The following ZNF37A variants were observed in gnomAD, a reference collection of about 807,000 sequenced individuals.
ZNF37A encodes the protein zinc finger protein 37a (KOX 21).
A neutral mutation model predicts 12.3 loss-of-function variants in ZNF37A; 10 were observed. The observed-to-expected ratio is 0.82, with a 90% CI of 0.50 to 1.38. The LOEUF (loss-of-function observed/expected upper bound fraction) is 1.38. Among genes scored for constraint, ZNF37A ranks in the 40% most tolerant of loss-of-function variants. The pLI, the probability that ZNF37A is intolerant of heterozygous loss-of-function variation, is 0.00. For synonymous variants in ZNF37A, 207 were observed against 223.0 expected (o/e 0.93, Z 0.64); for missense variants, 580 against 651.2 (o/e 0.89, Z 1.19).
chr10:38,149,771 T>A (rs2070303524), exon 8 of ZNF37A: 1 of 152,126 alleles, frequency 6.6e-6, no homozygotes, highest in Non-Finnish European at 1.5e-5. Flanking sequence ...GCGACGGGGT[T>A]TCACCATGTT....
chr10:38,130,082 T>C (rs1301556253), downstream of ZNF37A, among the ~76,000 whole-genome samples: 5 of 152,238 alleles, frequency 3.3e-5, no homozygotes. Context: ...CTTTCTGTCC[T>C]TATGGATTTC....
Position 38,118,742 on chromosome 10 carries a change from T to G in ZNF37A, c.1591T>G (p.Ser531Ala), listed in dbSNP as rs1420585412. 6.2e-7 allele frequency: 1 copy of G among 1,613,638 alleles called. No individual in the cohort carries two copies. Among genetic ancestry groups the G allele is most frequent in the Admixed American group, 1.7e-5 (1 of 59,902 alleles). The change falls in exon 8 of 8, where the codon TCA becomes GCA. Residue 531 changes from serine to alanine, a missense_variant. Transcript: ENST00000685332. ...CTATGAATGTAATGTTTGTGGAAAATCATTCTATGTTAAGTCAAAACTAAC... is the reference window on the plus strand; with the variant it reads ...CTATGAATGTAATGTTTGTGGAAAAGCATTCTATGTTAAGTCAAAACTAAC... ...KPYECNVCGK[S>A]FYVKSKLTVH...
intron 7 of ZNF37A, chr10:38,139,311 A>T (rs576854423): frequency 6.6e-6 from 1 of 152,144 alleles, no homozygotes; most frequent in South Asian, 2.1e-4. Flanking sequence ...GGCAACTAAA[A>T]TCATCTGATT....
chr10:38,097,113 A>C (rs1220379380), intron 5 of ZNF37A, among the ~76,000 whole-genome samples: 3 of 152,262 alleles, frequency 2.0e-5, no homozygotes, highest in African/African-American at 7.2e-5. Context: ...GTGATCTCAC[A>C]GAGTTGTGAA....
chr10:38,100,704 G>T (rs1202049363), intron 5 of ZNF37A, among the ~76,000 whole-genome samples: 1 of 152,140 alleles, frequency 6.6e-6, no homozygotes, highest in East Asian at 1.9e-4. Context: ...TACAATTTGT[G>T]CAGTTAATGC....
chr10:38,140,623 G>A (rs1220509216), intron 7 of ZNF37A: 1 of 152,222 alleles, frequency 6.6e-6, no homozygotes, highest in Non-Finnish European at 1.5e-5. Context: ...GATAGATGAT[G>A]TATATACATG....
chr10:38,135,466 G>A (rs969641430), intron 7 of ZNF37A, among the ~76,000 whole-genome samples: 9 of 152,176 alleles, frequency 5.9e-5, no homozygotes, highest in Non-Finnish European at 1.0e-4. Flanking sequence ...TTTATTCATT[G>A]TGTGCTTAAT....
chr10:38,115,066 A>AGTGTGT (rs56124182), intron 6 of ZNF37A, 129 bp from the exon 7 acceptor site: 17,331 of 618,198 alleles, frequency 0.028, 311 homozygotes, highest in South Asian at 0.035. Context: ...GATTAAATGA[A>AGTGTGT]GTGTGTGTGT....
chr10:38,106,053 G>T (rs964667292), intron 5 of ZNF37A, among the ~76,000 whole-genome samples: 1 of 151,858 alleles, frequency 6.6e-6, no homozygotes, highest in African/African-American at 2.4e-5. Context: ...CACTATCATT[G>T]CCTGTTCATG....
chr10:38,098,160 A>T (rs892551809), intron 5 of ZNF37A, among the ~76,000 whole-genome samples: 2 of 152,198 alleles, frequency 1.3e-5, no homozygotes, highest in Admixed American at 1.3e-4. Flanking sequence ...GTCCCTTTTT[A>T]TGACTGAACA....
At chr10:38,145,795 A>G (rs1564390226) in intron 7 of ZNF37A, among the ~76,000 whole-genome samples, 1 of 152,310 alleles carries the variant, frequency 6.6e-6, no homozygotes, top group East Asian at 1.9e-4. Context: ...GTTTTTCTCA[A>G]GAGGAGACTA....
chr10:38,113,434 A>C (rs1480886341), intron 5 of ZNF37A, among the ~76,000 whole-genome samples: 1 of 151,962 alleles, frequency 6.6e-6, no homozygotes, highest in Non-Finnish European at 1.5e-5. Flanking sequence ...GCTGGTCTTG[A>C]ACTCCAAACC....
chr10:38,098,983 T>G (rs2067355596), intron 5 of ZNF37A, among the ~76,000 whole-genome samples: 1 of 152,242 alleles, frequency 6.6e-6, no homozygotes, highest in African/African-American at 2.4e-5. Context: ...CAGTATTTTT[T>G]GCATATAAGA....
intron 5 of ZNF37A, among the ~76,000 whole-genome samples, chr10:38,108,957 G>C (rs1336578011): frequency 1.3e-5 from 2 of 152,146 alleles, no homozygotes; most frequent in East Asian, 3.8e-4. Context: ...AACAGAAAAA[G>C]AGGGAATCCT....
Position 38,145,562 on chromosome 10 carries a change from C to A in ZNF37A, c.239-1170C>A, listed in dbSNP as rs779347563. On this transcript the variant is annotated intron_variant, in intron 7 of 7. Transcript: ENST00000638053. ...TTATCTATACATTCTCACTAGGGGT[C>A]TTTTCTATCAAATGAAAGGATATAA... 8.2e-4 allele frequency among the ~76,000 whole-genome samples: 125 copies of A among 152,264 alleles called. No individual in the cohort carries two copies. In the Middle Eastern group the frequency reaches 0.01, roughly 12 times the overall value.
intron 7 of ZNF37A, among the ~76,000 whole-genome samples, chr10:38,131,314 G>C (rs556237852): frequency 6.6e-6 from 1 of 152,188 alleles, no homozygotes; most frequent in South Asian, 2.1e-4. Flanking sequence ...TCTTCTGAGA[G>C]CTTTATAGTT....
intron 7 of ZNF37A, 50 bp from the exon 8 acceptor site, chr10:38,117,340 T>G: frequency 3.3e-6 from 5 of 1,526,844 alleles, no homozygotes; most frequent in Non-Finnish European, 4.4e-6. Flanking sequence ...TAAGTTTATT[T>G]CTCTTACATA....
At chr10:38,116,450 C>G (rs2069276261) in intron 7 of ZNF37A, among the ~76,000 whole-genome samples, 1 of 152,020 alleles carries the variant, frequency 6.6e-6, no homozygotes, top group South Asian at 2.1e-4. Flanking sequence ...CACTGTTAGA[C>G]TGCAAACTGA....
intron 7 of ZNF37A, chr10:38,143,334 A>G (rs2070209843): frequency 6.6e-6 from 1 of 152,276 alleles, no homozygotes; most frequent in Admixed American, 6.5e-5. Flanking sequence ...AATAATTTCA[A>G]TAAATATTTA....
Sources: allele counts gnomAD v4.1 joint callset (sites outside exome capture counted in the v4.1 genomes callset), GRCh38; gene constraint gnomAD v4.1.1; transcripts MANE v1.5; gene names NCBI Gene and HGNC (gene_info 2026-07-23, HGNC 2026-07-21).